Variants in C16orf89 observed in about 807,000 individuals in gnomAD.
C16orf89 encodes UPF0764 protein C16orf89.
In C16orf89, 57 loss-of-function variants were observed where a neutral mutation model predicts 41.5. The observed-to-expected ratio is 1.38, with a 90% confidence interval of 1.11 to 1.71. The LOEUF is 1.71. C16orf89 is among the 40% of genes most tolerant of loss of function. C16orf89 has a pLI of 0.00. For synonymous variants in C16orf89, 223 were observed against 190.6 expected (o/e 1.17, Z -1.40); for missense variants, 575 against 445.9 (o/e 1.29, Z -2.61).
intron 1 of C16orf89, among the ~76,000 whole-genome samples, chr16:5,064,395 A>AC (rs1184675765): frequency 6.6e-6 from 1 of 152,210 alleles, no homozygotes; most frequent in African/African-American, 2.4e-5. Flanking sequence ...TGGAAACAGT[A>AC]ATGGCTGACA....
At chr16:5,044,063 C>G (rs1956247056), downstream of C16orf89, 4 of 975,030 alleles carry the variant, frequency 4.1e-6, no homozygotes, top group Non-Finnish European at 5.0e-6. Context: ...AGAGTTGAAA[C>G]AGACCAAGAG....
chr16:5,062,419 G>T lies in C16orf89; in HGVS notation c.358+6C>A. On this transcript the variant is annotated splice_donor_region_variant and intron_variant, in intron 2 of 7. Coordinates refer to ENST00000472572, the MANE Select transcript of C16orf89 (RefSeq NM_001098514.3). Reference sequence around the variant, plus strand: ...TGAGGGAATGGGACACCCTGCGTGTGCTCACCTCTTAGGTACTTGGGATCA... The same window carrying T: ...TGAGGGAATGGGACACCCTGCGTGTTCTCACCTCTTAGGTACTTGGGATCA... 6.2e-7 allele frequency: 1 copy of T among 1,608,578 alleles called. No homozygotes were observed. Among genetic ancestry groups the T allele is most frequent in the Non-Finnish European group, 8.5e-7 (1 of 1,177,712 alleles).
chr16:5,051,320 A>G (rs1330496391), intron 6 of C16orf89, among the ~76,000 whole-genome samples: 1 of 152,234 alleles, frequency 6.6e-6, no homozygotes, highest in African/African-American at 2.4e-5. Flanking sequence ...CTCCACCAAA[A>G]AAACTCTTAG....
At chr16:5,064,675 G>A (rs1271406296) in intron 1 of C16orf89, among the ~76,000 whole-genome samples, 1 of 152,200 alleles carries the variant, frequency 6.6e-6, no homozygotes, top group East Asian at 1.9e-4. Context: ...ATTAAGCACT[G>A]AATTCCTAGG....
chr16:5,054,085 C>T (rs764418994), intron 6 of C16orf89, among the ~76,000 whole-genome samples: 5 of 152,188 alleles, frequency 3.3e-5, no homozygotes, highest in Non-Finnish European at 7.3e-5. Context: ...GAATCTTCAT[C>T]GTATAAACTC....
chr16:5,061,466 C>A (rs1276046389), intron 2 of C16orf89, among the ~76,000 whole-genome samples: 31 of 21,000 alleles, frequency 1.5e-3, no homozygotes, highest in Middle Eastern at 0.038. Flanking sequence ...AAAAGAGAGA[C>A]AGAGTGAGAC....
intron 4 of C16orf89, among the ~76,000 whole-genome samples, chr16:5,056,852 C>T (rs1956518515): frequency 6.6e-6 from 1 of 152,082 alleles, no homozygotes; most frequent in African/African-American, 2.4e-5. Flanking sequence ...TTCTGTTGAA[C>T]AAAAACAGAG....
chr16:5,063,821 C>G (rs944284586), intron 1 of C16orf89, among the ~76,000 whole-genome samples: 8 of 152,150 alleles, frequency 5.3e-5, no homozygotes, highest in African/African-American at 1.9e-4. Flanking sequence ...TATATTATAA[C>G]ATAATAACAA....
Position 5,058,496 on chromosome 16 carries a change from T to G in C16orf89, c.624A>C (p.Arg208Ser). The G allele has an allele frequency of 3.1e-6, 5 of 1,603,018 alleles. No homozygotes were observed. The highest frequency in any genetic ancestry group is 4.3e-6 in the Non-Finnish European group (5 of 1,171,978). The change falls in exon 4 of 8, where the codon AGA (arginine) becomes AGC (serine). Residue 208 changes from arginine (R) to serine (S), a missense_variant. Physicochemically the swap from Arg to Ser is moderately radical, Grantham distance 110. Transcript: ENST00000472572. The stretch of plus-strand genomic sequence containing the variant: ...CGGGGGCTCCCTGGGCACTCACCAT[T>G]CTGGCCCAGAGGAAGAAGAGCAGTT... ...SHQLLFFLWARMRGCTQGPLQ... is the reference protein window; with the variant it reads ...SHQLLFFLWASMRGCTQGPLQ...
At position 5,058,550 on chromosome 16, in the gene C16orf89, G is replaced by C. The variant is rs371243021; in HGVS notation, c.570C>G (p.Pro190=). Residue 190 remains proline (P), a synonymous_variant, in exon 4 of 8, where the codon CCC becomes CCG. Coordinates refer to ENST00000472572, the MANE Select transcript of C16orf89 (RefSeq NM_001098514.3). The part of the protein sequence containing the change: ...SDLCRSLMTK[P]GCSGYCLSHQ... ...GGGACAGGCAGTAGCCTGAGCAGCC[G>C]GGCTTGGTCATGAGGCTCCTGCAGA... is the stretch of plus-strand genomic sequence containing the variant. 1.2e-6 allele frequency: 2 copies of C among 1,612,684 alleles called. No individual in the cohort carries two copies. Among genetic ancestry groups the C allele is most frequent in the Non-Finnish European group, 8.5e-7 (1 of 1,179,964 alleles).
intron 6 of C16orf89, among the ~76,000 whole-genome samples, chr16:5,052,158 T>C (rs536280564): frequency 4.4e-5 from 6 of 137,128 alleles, no homozygotes; most frequent in Non-Finnish European, 9.5e-5. Context: ...ATGAGCTGCA[T>C]AGACATCTCT....
At chr16:5,046,259 C>T (rs1017606647) in intron 7 of C16orf89, among the ~76,000 whole-genome samples, 2 of 152,236 alleles carry the variant, frequency 1.3e-5, no homozygotes, top group Non-Finnish European at 2.9e-5. Context: ...CATATACCCA[C>T]ATATGTTGGA....
chr16:5,047,043 C>T (rs941372786), intron 7 of C16orf89, among the ~76,000 whole-genome samples: 6 of 152,160 alleles, frequency 3.9e-5, no homozygotes, highest in Non-Finnish European at 8.8e-5. Flanking sequence ...AGCACACAGA[C>T]CCCTCCAAAC....
At position 5,058,621 on chromosome 16, in the gene C16orf89, G is replaced by C; in HGVS notation, c.510-11C>G. The C allele has an allele frequency of 1.3e-6, 2 of 1,596,694 alleles. No homozygotes were observed. Among genetic ancestry groups the C allele is most frequent in the Non-Finnish European group, 1.7e-6 (2 of 1,166,576 alleles). ...TCGCTGCTGTCCGTCCTGGGGGAAA[G>C]TGGTTCCAAGCTGTTAAGGATGGAG... On this transcript the variant is annotated splice_polypyrimidine_tract_variant and intron_variant, in intron 3 of 7. Coordinates refer to ENST00000472572, the MANE Select transcript of C16orf89 (RefSeq NM_001098514.3).
At chr16:5,044,676 T>C (rs1207840197) in intron 7 of C16orf89, 198 bp from the exon 8 acceptor site, 1 of 1,151,478 alleles carries the variant, frequency 8.7e-7, no homozygotes, top group Admixed American at 2.4e-5. Context: ...ACCCTGTCTC[T>C]ACTAAAAAAA....
intron 7 of C16orf89, among the ~76,000 whole-genome samples, chr16:5,046,912 A>G (rs1761617783): frequency 6.6e-6 from 1 of 152,194 alleles, no homozygotes; most frequent in Non-Finnish European, 1.5e-5. Flanking sequence ...CTCCAAGACA[A>G]CAGGTGTAAA....
intron 5 of C16orf89, 136 bp from the exon 6 acceptor site, chr16:5,055,486 G>A (rs989577043): frequency 4.2e-6 from 4 of 949,450 alleles, no homozygotes; most frequent in Middle Eastern, 6.5e-4. Flanking sequence ...ATGCAGAGGA[G>A]GGAAGGAGGC....
chr16:5,043,516 A>G (rs1366465518), downstream of C16orf89: 1 of 152,260 alleles, frequency 6.6e-6, no homozygotes, highest in African/African-American at 2.4e-5. Flanking sequence ...TTGTAAAATG[A>G]CATGATGGCC....
At chr16:5,050,240 C>T (rs553230198) in intron 6 of C16orf89, among the ~76,000 whole-genome samples, 5 of 151,996 alleles carry the variant, frequency 3.3e-5, no homozygotes, top group East Asian at 1.9e-4. Flanking sequence ...TGGTGGCGGG[C>T]GCCTGTAATT....
Sources: allele counts gnomAD v4.1 joint callset (sites outside exome capture counted in the v4.1 genomes callset), GRCh38; gene constraint gnomAD v4.1.1; transcripts MANE v1.5; gene names NCBI Gene and HGNC (gene_info 2026-07-23, HGNC 2026-07-21).